The following SYCP2 variants were observed in gnomAD, a reference collection of about 807,000 sequenced individuals.
SYCP2 encodes synaptonemal complex lateral element protein.
SYCP2 carries 55 observed loss-of-function variants against 211.3 expected under a neutral mutation model. The ratio of observed to expected loss-of-function variants is 0.26; its 90% CI spans 0.21 to 0.33. The LOEUF is 0.33. Among genes scored for constraint, SYCP2 ranks in the 10% least tolerant of loss-of-function variants. The pLI, the probability that SYCP2 is intolerant of heterozygous loss-of-function variation, is 1.00. For synonymous variants in SYCP2, 570 were observed against 555.2 expected (o/e 1.03, Z -0.37); for missense variants, 1,731 against 1,752.0 (o/e 0.99, Z 0.21).
At chr20:59,923,261 A>C (rs916539249) in intron 2 of SYCP2, among the ~76,000 whole-genome samples, 1 of 152,012 alleles carries the variant, frequency 6.6e-6, no homozygotes, top group Non-Finnish European at 1.5e-5. Context: ...TGAACACCTA[A>C]GGAATTAACA....
At chr20:59,901,862 A>T in intron 15 of SYCP2, 52 bp from the exon 16 acceptor site, 1 of 1,357,986 alleles carries the variant, frequency 7.4e-7, no homozygotes, top group Non-Finnish European at 9.8e-7. Context: ...CTACTCTGCA[A>T]GTATACTATA....
intron 29 of SYCP2, 51 bp downstream of exon 29, chr20:59,881,386 T>C (rs2059676790): frequency 1.0e-6 from 1 of 970,178 alleles, no homozygotes; most frequent in Non-Finnish European, 1.5e-6. Flanking sequence ...GGAGGAGATA[T>C]TTAAGAGAAA....
intron 14 of SYCP2, 21 bp downstream of exon 14, chr20:59,911,729 T>C (rs1555884026): frequency 7.6e-7 from 1 of 1,308,018 alleles, no homozygotes; most frequent in Non-Finnish European, 1.1e-6. Context: ...TAAAGAATAA[T>C]ACCAACCAAA....
intron 26 of SYCP2, among the ~76,000 whole-genome samples, chr20:59,884,469 A>G (rs993035177): frequency 2.6e-5 from 4 of 152,002 alleles, no homozygotes; most frequent in Non-Finnish European, 5.9e-5. Context: ...ATATCACTAA[A>G]TAATTGATTA....
chr20:59,914,878 T>A (rs1228421156), intron 10 of SYCP2, among the ~76,000 whole-genome samples: 2 of 151,980 alleles, frequency 1.3e-5, no homozygotes, highest in Non-Finnish European at 2.9e-5. Flanking sequence ...GCTTTATTAA[T>A]TAAGCTATTA....
At position 59,915,650 on chromosome 20, in the gene SYCP2, T is replaced by G. The variant is rs867414655; in HGVS notation, c.514-100A>C. 16 of 752,024 alleles carry G rather than the reference T, an allele frequency of 2.1e-5. No individual in the cohort carries two copies. In the Middle Eastern group the frequency reaches 1.8e-3, roughly 83 times the overall value. The allele number at this position is 752,024 out of a possible 1,614,324, so 46.6% of individuals were successfully genotyped here. A position where few individuals can be genotyped will look rare whatever the true frequency, so the allele number is the denominator to read the frequency against. On this transcript the variant is annotated intron_variant, in intron 8 of 44. Coordinates refer to ENST00000357552, the MANE Select transcript of SYCP2 (RefSeq NM_014258.4). ...TAAACTTAGAAGCCTAATTTTTTCT[T>G]AATCACTGAGTTTTATTATGGGAAT... is the stretch of plus-strand genomic sequence containing the variant.
chr20:59,897,233 A>AG, intron 18 of SYCP2, among the ~76,000 whole-genome samples: 1 of 152,268 alleles, frequency 6.6e-6, no homozygotes, highest in Non-Finnish European at 1.5e-5. Flanking sequence ...TCCCTAGAAC[A>AG]GGGGAAAAAA....
At chr20:59,912,758 T>C (rs1170885358) in intron 12 of SYCP2, among the ~76,000 whole-genome samples, 5 of 152,204 alleles carry the variant, frequency 3.3e-5, no homozygotes, top group Non-Finnish European at 7.4e-5. Flanking sequence ...GTGAGGGACC[T>C]GGTAGGAGAT....
In SYCP2 at chr20:59,932,111, G is replaced by C. The variant is rs2060759068; in HGVS notation, c.-96C>G. 1 of 152,254 alleles carries C rather than the reference G, an allele frequency of 6.6e-6. No homozygotes were observed. The highest frequency in any genetic ancestry group is 1.5e-5 in the Non-Finnish European group (1 of 68,008). The allele number at this position is 152,254 out of a possible 1,614,324, so 9.4% of individuals were successfully genotyped here. A position where few individuals can be genotyped will look rare whatever the true frequency, so the allele number is the denominator to read the frequency against. On this transcript the variant is annotated 5_prime_UTR_variant, in exon 2 of 45. Coordinates refer to ENST00000357552, the MANE Select transcript of SYCP2 (RefSeq NM_014258.4). ...TCCAGTCTACTGAACTGGGGGACTGGTTAGCGAGCAACACAGAGAACTAGT... is the reference window on the plus strand; with the variant it reads ...TCCAGTCTACTGAACTGGGGGACTGCTTAGCGAGCAACACAGAGAACTAGT...
intron 44 of SYCP2, among the ~76,000 whole-genome samples, chr20:59,864,634 G>T (rs914877318): frequency 3.3e-5 from 5 of 151,916 alleles, no homozygotes; most frequent in African/African-American, 1.2e-4. Context: ...GTGAAATTTA[G>T]ATTCAATTTT....
chr20:59,896,027 T>G (rs922230275), intron 19 of SYCP2, among the ~76,000 whole-genome samples: 3 of 152,026 alleles, frequency 2.0e-5, no homozygotes. Context: ...TTTTATTTAA[T>G]CCTCTAAACA....
At chr20:59,878,075 TCA>T in intron 31 of SYCP2, 30 bp from the exon 32 acceptor site, 1 of 1,499,030 alleles carries the variant, frequency 6.7e-7, no homozygotes. Flanking sequence ...GGTTAAATTT[TCA>T]CAGTAAATAA....
chr20:59,866,455 T>G (rs747592694), intron 40 of SYCP2, 40 bp downstream of exon 40: 2 of 1,565,558 alleles, frequency 1.3e-6, no homozygotes, highest in East Asian at 4.5e-5. Flanking sequence ...TAGGAATATG[T>G]AGCATTCAAA....
rs150598083 is a variant in SYCP2, at chr20:59,879,294, C to T, written c.2941+1009G>A. Among the ~76,000 whole-genome samples, 593 of 150,264 alleles carry T rather than the reference C, an allele frequency of 3.9e-3. 4 individuals are homozygous for T. The highest frequency in any genetic ancestry group is 6.7e-3 in the Non-Finnish European group (456 of 67,826). On this transcript the variant is annotated intron_variant, in intron 31 of 44. Transcript: ENST00000357552. ...ATATACTATGCTATTCCATACTTCT[C>T]TCCCTTTTATATATGATAATCCTGC...
intron 4 of SYCP2, 67 bp from the exon 5 acceptor site, chr20:59,920,554 G>A: frequency 1.6e-6 from 2 of 1,253,950 alleles, no homozygotes; most frequent in Non-Finnish European, 2.3e-6. Flanking sequence ...CATTGTACAA[G>A]GAGTGTTACA....
chr20:59,875,765 C>T (rs990315034), intron 33 of SYCP2, among the ~76,000 whole-genome samples: 1 of 152,026 alleles, frequency 6.6e-6, no homozygotes, highest in African/African-American at 2.4e-5. Flanking sequence ...TCCTAAATTT[C>T]ATAGTATTTG....
rs145233078 is a variant in SYCP2 at position 59,866,558 on chromosome 20, G to A, written c.4157C>T (p.Thr1386Met). ...IRHKMLSYFT[T>M]QSWKTAQQHL... ...TTGCTGAGCTGTTTTCCAAGACTGCGTAGTAAAATAACTCAACATTTTATG... is the reference window on the plus strand; with the variant it reads ...TTGCTGAGCTGTTTTCCAAGACTGCATAGTAAAATAACTCAACATTTTATG... The change falls in exon 40 of 45, where the codon ACG becomes ATG. Residue 1386 changes from threonine (T) to methionine (M), a missense_variant. By Grantham distance (81) the Thr-to-Met change is moderately conservative. This residue lies in a region of SYCP2 where 1,387 missense variants were observed against 1,351.3 expected (regional missense o/e 1.03). Coordinates refer to ENST00000357552, the MANE Select transcript of SYCP2 (RefSeq NM_014258.4). The A allele has an allele frequency of 1.2e-4, 195 of 1,601,894 alleles. No individual in the cohort carries two copies. Among genetic ancestry groups the A allele is most frequent in the Admixed American group, 2.5e-4 (14 of 57,130 alleles).
chr20:59,924,534 G>A (rs1202226059), intron 2 of SYCP2, among the ~76,000 whole-genome samples: 1 of 151,890 alleles, frequency 6.6e-6, no homozygotes, highest in Non-Finnish European at 1.5e-5. Context: ...TCCATAATGT[G>A]CTCATTTAAC....
Position 59,896,489 on chromosome 20 carries a change from T to G in SYCP2, c.1444A>C (p.Met482Leu). ...PSKRKMSEASMIVSGADRYTM... is the reference protein window; with the variant it reads ...PSKRKMSEASLIVSGADRYTM... ...TATCTATCTGCACCAGAAACAATCA[T>G]TGATGCTTCAGACATTTTTCTTTTG... Residue 482 changes from methionine to leucine, a missense_variant, in exon 19 of 45, where the codon ATG becomes CTG. By Grantham distance (15) the Met-to-Leu change is conservative (BLOSUM62 2). Around this residue, in one of 3 missense-constraint regions of SYCP2, gnomAD observed 1,387 missense variants for 1,351.3 expected, o/e 1.03. Coordinates refer to ENST00000357552, the MANE Select transcript of SYCP2 (RefSeq NM_014258.4). 1 of 1,611,056 alleles carries G rather than the reference T, an allele frequency of 6.2e-7. No individual in the cohort carries two copies. Among genetic ancestry groups the G allele is most frequent in the East Asian group, 2.2e-5 (1 of 44,732 alleles).
Sources: allele counts gnomAD v4.1 joint callset (sites outside exome capture counted in the v4.1 genomes callset), GRCh38; gene constraint gnomAD v4.1.1; regional missense constraint gnomAD v4.1.1; transcripts MANE v1.5; gene names NCBI Gene and HGNC (gene_info 2026-07-23, HGNC 2026-07-21).